Variants in PNPLA7 observed in about 807,000 individuals in gnomAD.
The protein encoded by PNPLA7 is patatin-like phospholipase domain-containing protein 7.
A neutral mutation model predicts 161.7 loss-of-function variants in PNPLA7; 153 were observed. The ratio of observed to expected loss-of-function variants is 0.95; its 90% CI spans 0.83 to 1.08. The LOEUF (loss-of-function observed/expected upper bound fraction) is 1.08, where lower values mean the gene tolerates loss of function less well. PNPLA7 is among the 50% of genes least tolerant of loss of function. The pLI is 0.00. For synonymous variants in PNPLA7, 809 were observed against 782.1 expected, an observed-to-expected ratio of 1.03 and a Z score of -0.57; for missense variants, 1,739 against 1,856.6, an observed-to-expected ratio of 0.94 and a Z score of 1.16.
rs200728733 is a variant in PNPLA7, at chr9:137,504,093, A to G, written c.1473+1521T>C. ...AGAAGGAAGAAGAAGAAGGAAGAAG[A>G]AGGAAGAAGAAGAAAGAAAGAAGAA... On this transcript the variant is annotated intron_variant, in intron 14 of 34. Coordinates refer to ENST00000406427, the MANE Select transcript of PNPLA7 (RefSeq NM_001098537.3). Among the ~76,000 whole-genome samples, 4 of 139,754 alleles carry G rather than the reference A, an allele frequency of 2.9e-5. No individual in the cohort carries two copies. In the South Asian group the frequency reaches 9.4e-4, roughly 33 times the overall value. 91.7% of individuals were successfully genotyped at this position (139,754 alleles called of 152,430 possible). A position where few individuals can be genotyped will look rare whatever the true frequency, so the allele number is the denominator to read the frequency against.
Position 137,547,602 on chromosome 9 carries a change from C to A in PNPLA7, c.88G>T (p.Gly30Cys). The A allele has an allele frequency of 6.2e-7, 1 of 1,613,278 alleles. No individual in the cohort carries two copies. The highest frequency in any genetic ancestry group is 8.5e-7 in the Non-Finnish European group (1 of 1,179,852). Residue 30 changes from glycine (G) to cysteine (C), a missense_variant, in exon 2 of 35, where the codon GGT becomes TGT. Around this residue, in one of 6 missense-constraint regions of PNPLA7, gnomAD observed 209 missense variants for 252.8 expected, o/e 0.83. Transcript: ENST00000406427. The surrounding 1 kb of genome is among the most constrained non-coding windows in gnomAD (Gnocchi z 4.6). ...GTGATTACCATGGTGGACGGTGAAC[C>A]TTCCTCCGTGAACCACAGTCCCCAA... Reference protein sequence around the residue: ...HSWGLWFTEEGSPSTMLTGIA... With the variant: ...HSWGLWFTEECSPSTMLTGIA...
intron 25 of PNPLA7, among the ~76,000 whole-genome samples, chr9:137,469,087 A>G (rs1831602907): frequency 6.6e-6 from 1 of 152,234 alleles, no homozygotes; most frequent in African/African-American, 2.4e-5. Flanking sequence ...TCAAGGAATT[A>G]AAAACAAGAG....
rs772789035 is a variant in PNPLA7 at position 137,480,399 on chromosome 9, C to T, written c.2493G>A (p.Thr831=). ...CGCAGCGCTGGGTCCAGGGTGTGAG[C>T]GTGCCATCTGCCTGGTAGAGCACGA... ...HRIVLYQADG[T]LTPWTQRCVR... is the part of the protein sequence containing the mutation. Residue 831 remains threonine, a synonymous_variant, in exon 23 of 35, where the codon ACG becomes ACA. Transcript: ENST00000406427. The T allele has an allele frequency of 8.7e-6, 14 of 1,613,446 alleles. No individual in the cohort carries two copies. The highest frequency in any genetic ancestry group is 3.3e-5 in the Admixed American group (2 of 59,968).
Position 137,488,747 on chromosome 9 carries a change from A to G in PNPLA7, c.2198-4011T>C, listed in dbSNP as rs528970588. Reference sequence around the variant, plus strand: ...CCAACTGTGCACCCCCCGACCAGCCAGCATCCTCCCAACTGTCCACCACCC... The same window carrying G: ...CCAACTGTGCACCCCCCGACCAGCCGGCATCCTCCCAACTGTCCACCACCC... On this transcript the variant is annotated intron_variant, in intron 20 of 34. Transcript: ENST00000406427. Among the ~76,000 whole-genome samples the G allele has an allele frequency of 1.6e-4, 15 of 92,660 alleles. No homozygotes were observed. In the South Asian group the frequency reaches 6.1e-3, roughly 38 times the overall value. 60.8% of individuals were successfully genotyped at this position (92,660 alleles called of 152,430 possible). A position where few individuals can be genotyped will look rare whatever the true frequency, so the allele number is the denominator to read the frequency against.
chr9:137,462,502 C>T (rs1462788016), intron 30 of PNPLA7, 171 bp from the exon 31 acceptor site: 5 of 1,388,580 alleles, frequency 3.6e-6, no homozygotes, highest in Non-Finnish European at 2.9e-6. Flanking sequence ...CCACAGCCTT[C>T]AGGCCCGTCC....
chr9:137,462,087 C>A, intron 31 of PNPLA7, 46 bp from the exon 32 acceptor site: 1 of 1,526,922 alleles, frequency 6.5e-7, no homozygotes, highest in East Asian at 2.4e-5. Context: ...GGGAGCCCCC[C>A]ACTTCCTGTG....
intron 20 of PNPLA7, among the ~76,000 whole-genome samples, chr9:137,485,440 G>A (rs560889411): frequency 1.2e-3 from 181 of 151,256 alleles, no homozygotes; most frequent in African/African-American, 4.3e-3. Flanking sequence ...CCAGACAAAC[G>A]CTGCAGGTGA....
Position 137,523,665 on chromosome 9 carries a change from C to T in PNPLA7, c.748-808G>A, listed in dbSNP as rs553112181. Among the ~76,000 whole-genome samples the T allele has an allele frequency of 6.7e-5, 10 of 149,816 alleles. No homozygotes were observed. Among genetic ancestry groups the T allele is most frequent in the South Asian group, 2.1e-4 (1 of 4,722 alleles). On this transcript the variant is annotated intron_variant, in intron 8 of 34. Transcript: ENST00000406427. The surrounding 1 kb of genome is among the most constrained non-coding windows in gnomAD (Gnocchi z 4.4). ...TTTTTGAGACAGAGTCTCGTTCTGTCGTCCAGGCTGGAGTGCAATGGCGTG... is the reference window on the plus strand; with the variant it reads ...TTTTTGAGACAGAGTCTCGTTCTGTTGTCCAGGCTGGAGTGCAATGGCGTG...
chr9:137,525,459 C>G (rs1456096860), intron 8 of PNPLA7, among the ~76,000 whole-genome samples: 2 of 152,190 alleles, frequency 1.3e-5, no homozygotes, highest in Non-Finnish European at 2.9e-5. Context: ...AAGTGTGAGT[C>G]GTCTCCAGCG....
rs755478341 is a variant in PNPLA7 at position 137,519,898 on chromosome 9, C to T, written c.1084+19G>A. The T allele has an allele frequency of 1.9e-6, 3 of 1,603,614 alleles. No individual in the cohort carries two copies. In the South Asian group the frequency reaches 3.3e-5, roughly 18 times the overall value. Reference sequence around the variant, plus strand: ...GGACTCTGGGGCTGGACATTGCCCTCCTTGGTGCAGGACAGTACCTGAGTC... The same window carrying T: ...GGACTCTGGGGCTGGACATTGCCCTTCTTGGTGCAGGACAGTACCTGAGTC... On this transcript the variant is annotated intron_variant, in intron 11 of 34. Coordinates refer to ENST00000406427, the MANE Select transcript of PNPLA7 (RefSeq NM_001098537.3).
rs939579286 is a variant in PNPLA7, at chr9:137,543,651, C to T, written c.365+73G>A. 1 of 1,609,604 alleles carries T rather than the reference C, an allele frequency of 6.2e-7. No homozygotes were observed. The highest frequency in any genetic ancestry group is 1.3e-5 in the African/African-American group (1 of 74,856). ...CAGCATCAGTGGCTGACACACCAGGCAGCTCAGGGTTGGGGAGGCCAGCAC... is the reference window on the plus strand; with the variant it reads ...CAGCATCAGTGGCTGACACACCAGGTAGCTCAGGGTTGGGGAGGCCAGCAC... On this transcript the variant is annotated intron_variant, in intron 5 of 34. Transcript: ENST00000406427. The surrounding 1 kb of genome is among the most constrained non-coding windows in gnomAD (Gnocchi z 6.9).
chr9:137,503,610 A>AAGGAGGAGGG (rs1172179189), intron 14 of PNPLA7, among the ~76,000 whole-genome samples: 6 of 119,614 alleles, frequency 5.0e-5, no homozygotes, highest in Admixed American at 1.8e-4. Flanking sequence ...AAGGAGGAAG[A>AAGGAGGAGGG]AGGAGGAGGG....
Position 137,480,687 on chromosome 9 carries a change from G to C in PNPLA7, c.2412-207C>G, listed in dbSNP as rs572168441. The C allele has an allele frequency of 3.1e-4, 227 of 728,846 alleles. 1 individual carries two copies. The South Asian group carries it at 3.9e-3, about 13-fold the overall frequency. 45.1% of individuals were successfully genotyped at this position (728,846 alleles called of 1,614,324 possible). A position where few individuals can be genotyped will look rare whatever the true frequency, so the allele number is the denominator to read the frequency against. On this transcript the variant is annotated intron_variant, in intron 22 of 34. Transcript: ENST00000406427. ...GGCTGCAGTTAAGCCCAGAGGCTGA[G>C]GCTCGTTGAGGGGCAGGCTGGGGAG...
intron 20 of PNPLA7, among the ~76,000 whole-genome samples, chr9:137,489,339 CCCT>C (rs1832659283): frequency 1.3e-5 from 2 of 152,286 alleles, no homozygotes; most frequent in East Asian, 1.9e-4. Context: ...CCAGGACATG[CCCT>C]GTGAATACAA....
Position 137,523,629 on chromosome 9 carries a change from A to AT in PNPLA7, c.748-773dup, listed in dbSNP as rs112185527. On this transcript the variant is annotated intron_variant, in intron 8 of 34. Transcript: ENST00000406427. This position sits in a 1 kb window ranked among gnomAD's most constrained non-coding sequence, Gnocchi z 4.4. The stretch of plus-strand genomic sequence containing the variant: ...TGCCGTCACCTGCCTGCAGAGACAG[A>AT]TTTTTTTTTTTTTTTGAGACAGAGT... Among the ~76,000 whole-genome samples the AT allele has an allele frequency of 3.7e-3, 539 of 143,920 alleles. 1 individual carries two copies. The highest frequency in any genetic ancestry group is 0.011 in the Middle Eastern group (3 of 270). The allele number at this position is 143,920 out of a possible 152,430, so 94.4% of individuals were successfully genotyped here. A position where few individuals can be genotyped will look rare whatever the true frequency, so the allele number is the denominator to read the frequency against.
chr9:137,547,457 A>G lies in PNPLA7; in HGVS notation c.106-61T>C. ...AGCCACAAACCTAACCCTAGCCCTA[A>G]GCCTGCCCCCACCCCTGGCTGCCCA... On this transcript the variant is annotated intron_variant, in intron 2 of 34. Transcript: ENST00000406427. This position sits in a 1 kb window ranked among gnomAD's most constrained non-coding sequence, Gnocchi z 4.6. 1 of 1,600,516 alleles carries G rather than the reference A, an allele frequency of 6.2e-7. No individual in the cohort carries two copies.
rs571115747 is a variant in PNPLA7, at chr9:137,461,706, C to T, written c.3757-86G>A. 2.2e-4 allele frequency: 304 copies of T among 1,386,390 alleles called. 1 individual carries two copies. In the African/African-American group the frequency reaches 3.4e-3, roughly 16 times the overall value. The allele number at this position is 1,386,390 out of a possible 1,614,324, so 85.9% of individuals were successfully genotyped here. A position where few individuals can be genotyped will look rare whatever the true frequency, so the allele number is the denominator to read the frequency against. On this transcript the variant is annotated intron_variant, in intron 32 of 34. Transcript: ENST00000406427. ...GCTTCCTGTGGGGAGGCCCCACCCA[C>T]CCTGCGCCCTCTCTGCAGCCTCCGC...
At position 137,484,676 on chromosome 9, in the gene PNPLA7, T is replaced by C; in HGVS notation, c.2258A>G (p.Asn753Ser). ...SKWDLGNPAV[N>S]LSTVAVMPVS... ...GGGCATCACTGCCACCGTGGACAGG[T>C]TGACAGCCGGGTTCCCCAAGTCCCA... is the stretch of plus-strand genomic sequence containing the variant. The change falls in exon 21 of 35, where the codon AAC becomes AGC. Residue 753 changes from asparagine (N) to serine (S), a missense_variant. By Grantham distance (46) the Asn-to-Ser change is conservative. Around this residue, in one of 6 missense-constraint regions of PNPLA7, gnomAD observed 192 missense variants for 249.5 expected, o/e 0.77. Coordinates refer to ENST00000406427, the MANE Select transcript of PNPLA7 (RefSeq NM_001098537.3). The C allele has an allele frequency of 6.2e-7, 1 of 1,612,450 alleles. No individual in the cohort carries two copies. Among genetic ancestry groups the C allele is most frequent in the Non-Finnish European group, 8.5e-7 (1 of 1,179,374 alleles).
chr9:137,526,997 G>C (rs1835333769), intron 8 of PNPLA7, among the ~76,000 whole-genome samples: 3 of 152,106 alleles, frequency 2.0e-5, no homozygotes, highest in Admixed American at 2.0e-4. Flanking sequence ...GGCCAGGCAT[G>C]GTGGCTCATG....
Sources: allele counts gnomAD v4.1 joint callset (sites outside exome capture counted in the v4.1 genomes callset), GRCh38; gene constraint gnomAD v4.1.1; regional missense constraint gnomAD v4.1.1; non-coding constraint Gnocchi (gnomAD v3.1); transcripts MANE v1.5; gene names NCBI Gene and HGNC (gene_info 2026-07-23, HGNC 2026-07-21).